The following TRPC4AP variants were observed in gnomAD, a reference collection of about 807,000 sequenced individuals.
TRPC4AP encodes the protein short transient receptor potential channel 4-associated protein.
In TRPC4AP, 45 loss-of-function variants were observed where a neutral mutation model predicts 99.0. The observed-to-expected ratio is 0.45, with a 90% CI of 0.36 to 0.58. The LOEUF (loss-of-function observed/expected upper bound fraction) is 0.58. TRPC4AP is among the 20% of genes least tolerant of loss of function. TRPC4AP has a pLI of 0.00. For synonymous variants in TRPC4AP, 408 were observed against 385.8 expected, an observed-to-expected ratio of 1.06 and a Z score of -0.67; for missense variants, 879 against 985.3, an observed-to-expected ratio of 0.89 and a Z score of 1.44.
At chr20:35,033,151 G>A (rs1165216830) in intron 8 of TRPC4AP, among the ~76,000 whole-genome samples, 1 of 152,132 alleles carries the variant, frequency 6.6e-6, no homozygotes, top group African/African-American at 2.4e-5. Context: ...CCGAGATTGT[G>A]CCACTGCCCT....
intron 16 of TRPC4AP, 108 bp from the exon 17 acceptor site, chr20:35,004,678 C>T: frequency 2.3e-6 from 2 of 852,038 alleles, no homozygotes; most frequent in Non-Finnish European, 3.8e-6. Flanking sequence ...GCTAGGAGCT[C>T]ATCATCAAAA....
intron 3 of TRPC4AP, among the ~76,000 whole-genome samples, chr20:35,061,602 T>G (rs1271765112): frequency 1.3e-5 from 2 of 152,162 alleles, no homozygotes; most frequent in African/African-American, 4.8e-5. Context: ...CCAAGACAAT[T>G]CAATGATGAA....
rs1479270980 is a variant in TRPC4AP, at chr20:35,024,854, A to AAAAAAT, written c.1052-3499_1052-3498insATTTTT. ...AAAAAAAAAAAAAAAAAAAAAAAAA[A>AAAAAAT]ATTCTGTTTATTCATTAATCAGGTG... On this transcript the variant is annotated intron_variant, in intron 8 of 18. Transcript: ENST00000252015. Among the ~76,000 whole-genome samples the AAAAAAT allele has an allele frequency of 1.0e-4, 9 of 89,478 alleles. 2 individuals are homozygous for AAAAAAT. The highest frequency in any genetic ancestry group is 1.6e-4 in the African/African-American group (4 of 25,540). The allele number at this position is 89,478 out of a possible 152,430, so 58.7% of individuals were successfully genotyped here.
intron 1 of TRPC4AP, among the ~76,000 whole-genome samples, chr20:35,080,667 G>A (rs976082869): frequency 2.6e-5 from 4 of 152,162 alleles, no homozygotes; most frequent in Non-Finnish European, 4.4e-5. Flanking sequence ...CAAAGGCTGT[G>A]GGGATGGGGA....
intron 1 of TRPC4AP, among the ~76,000 whole-genome samples, chr20:35,086,851 G>A (rs2084898137): frequency 1.3e-5 from 2 of 151,862 alleles, no homozygotes; most frequent in African/African-American, 4.8e-5. Flanking sequence ...TAGCCAGCAT[G>A]GTGAAACCCT....
At chr20:35,019,043 C>T (rs753563300) in intron 9 of TRPC4AP, among the ~76,000 whole-genome samples, 2 of 152,222 alleles carry the variant, frequency 1.3e-5, no homozygotes, top group Non-Finnish European at 2.9e-5. Context: ...GGAGCCTTTC[C>T]AGTCCTGAGA....
At chr20:35,028,149 G>C (rs982885937) in intron 8 of TRPC4AP, among the ~76,000 whole-genome samples, 2 of 151,802 alleles carry the variant, frequency 1.3e-5, no homozygotes, top group Non-Finnish European at 2.9e-5. Flanking sequence ...CTCTAAGCAC[G>C]CTTTAGCTGC....
chr20:35,087,126 G>A (rs1266368704), intron 1 of TRPC4AP, among the ~76,000 whole-genome samples: 10 of 149,032 alleles, frequency 6.7e-5, no homozygotes, highest in East Asian at 6.0e-4. Context: ...TCAGGAGATC[G>A]AGACCATCCT....
chr20:35,058,417 G>C (rs1009207972), intron 3 of TRPC4AP, among the ~76,000 whole-genome samples: 1 of 152,156 alleles, frequency 6.6e-6, no homozygotes, highest in African/African-American at 2.4e-5. Context: ...CACTGAACAA[G>C]CCTCAATAAA....
chr20:35,057,897 G>A (rs1600611758), intron 3 of TRPC4AP, among the ~76,000 whole-genome samples: 1 of 152,162 alleles, frequency 6.6e-6, no homozygotes, highest in South Asian at 2.1e-4. Flanking sequence ...TGATTCTTCT[G>A]TTTAAAGAAC....
intron 3 of TRPC4AP, among the ~76,000 whole-genome samples, chr20:35,063,100 G>A (rs187860748): frequency 6.6e-6 from 1 of 152,226 alleles, no homozygotes. Context: ...TGCTGTTCTC[G>A]TGATAACGAG....
chr20:35,075,537 G>T (rs181160367), intron 2 of TRPC4AP, among the ~76,000 whole-genome samples: 1 of 152,170 alleles, frequency 6.6e-6, no homozygotes, highest in Non-Finnish European at 1.5e-5. Flanking sequence ...GGCTGGATAT[G>T]AAACTCTGGG....
intron 8 of TRPC4AP, among the ~76,000 whole-genome samples, chr20:35,031,482 C>G (rs1207465576): frequency 6.7e-6 from 1 of 150,306 alleles, no homozygotes; most frequent in African/African-American, 2.5e-5. Flanking sequence ...GCAATCCACC[C>G]TTCTTGGCTT....
At chr20:35,086,319 C>T (rs1458193854) in intron 1 of TRPC4AP, among the ~76,000 whole-genome samples, 1 of 151,754 alleles carries the variant, frequency 6.6e-6, no homozygotes, top group Admixed American at 6.6e-5. Flanking sequence ...TCTGACAATA[C>T]ATGTTAACCA....
intron 12 of TRPC4AP, among the ~76,000 whole-genome samples, chr20:35,009,544 G>A (rs1042090041): frequency 6.6e-6 from 1 of 152,194 alleles, no homozygotes; most frequent in African/African-American, 2.4e-5. Context: ...TACTCGGGCG[G>A]CTGAGGCAGG....
In TRPC4AP at chr20:35,028,211, CTTT is replaced by C. The variant is rs71196775; in HGVS notation, c.1052-6858_1052-6856del. Reference sequence around the variant, plus strand: ...ATTTTCATTTGTCTCAAAATATTTCCTTTTTTTTTTTTGATGGAATCTCACTCT... The same window carrying C: ...ATTTTCATTTGTCTCAAAATATTTCCTTTTTTTTTGATGGAATCTCACTCT... On this transcript the variant is annotated intron_variant, in intron 8 of 18. Transcript: ENST00000252015. Among the ~76,000 whole-genome samples the C allele has an allele frequency of 3.2e-4, 47 of 147,146 alleles. No individual in the cohort carries two copies. In the East Asian group the frequency reaches 7.8e-3, roughly 24 times the overall value.
intron 7 of TRPC4AP, among the ~76,000 whole-genome samples, chr20:35,038,785 T>C (rs2083382890): frequency 6.6e-6 from 1 of 152,156 alleles, no homozygotes; most frequent in African/African-American, 2.4e-5. Context: ...TAAAAACAAA[T>C]CAGTAGGCGG....
chr20:35,054,364 T>C (rs1322554237), intron 5 of TRPC4AP, among the ~76,000 whole-genome samples: 1 of 152,208 alleles, frequency 6.6e-6, no homozygotes, highest in African/African-American at 2.4e-5. Flanking sequence ...TGTTTTCACA[T>C]CTACTATCTC....
Position 35,044,568 on chromosome 20 carries a change from C to A in TRPC4AP, c.802G>T (p.Ala268Ser). The change falls in exon 7 of 19, where the codon GCC becomes TCC. Residue 268 changes from alanine (A) to serine (S), a missense_variant. Physicochemically the swap from Ala to Ser is moderately conservative, Grantham distance 99 (BLOSUM62 1). Around this residue, in one of 3 missense-constraint regions of TRPC4AP, gnomAD observed 603 missense variants for 631.8 expected, o/e 0.95. Coordinates refer to ENST00000252015, the MANE Select transcript of TRPC4AP (RefSeq NM_015638.3). ...CTCTTCTTCTGTTGAGCATTTTTGG[C>A]AAGAAGCGTGTGCTTGTCATCATTC... ...TGNDDKHTLL[A>S]KNAQQKKSLS... 1 of 1,614,112 alleles carries A rather than the reference C, an allele frequency of 6.2e-7. No homozygotes were observed. Among genetic ancestry groups the A allele is most frequent in the Non-Finnish European group, 8.5e-7 (1 of 1,180,004 alleles).
Sources: gnomAD v4.1 joint callset for allele counts (sites outside exome capture counted in the v4.1 genomes callset) on GRCh38, gnomAD v4.1.1 for gene constraint, gnomAD v4.1.1 regional missense constraint, MANE v1.5 for transcripts, NCBI Gene and HGNC (gene_info 2026-07-23, HGNC 2026-07-21) for gene names.